ATXN1: variants seen among roughly 807,000 people sequenced by gnomAD.
ATXN1 encodes ataxin-1.
In ATXN1, 8 loss-of-function variants were observed where a neutral mutation model predicts 56.4. That is an observed-to-expected ratio of 0.14 (90% confidence interval 0.08 to 0.26). The LOEUF is 0.26. Ranked by LOEUF, ATXN1 falls within the 10% of genes least tolerant of loss-of-function variation. The pLI, the probability that ATXN1 is intolerant of heterozygous loss-of-function variation, is 1.00. For synonymous variants in ATXN1, 514 were observed against 494.6 expected (o/e 1.04, Z -0.52); for missense variants, 987 against 1,106.5 (o/e 0.89, Z 1.53).
At chr6:16,648,897 T>A in intron 3 of ATXN1, among the ~76,000 whole-genome samples, 1 of 152,082 alleles carries the variant, frequency 6.6e-6, no homozygotes, top group South Asian at 2.1e-4. Flanking sequence ...AAATTCCCCA[T>A]TACAACTTAT....
At chr6:16,338,221 T>C (rs1761167983) in intron 6 of ATXN1, among the ~76,000 whole-genome samples, 1 of 152,096 alleles carries the variant, frequency 6.6e-6, no homozygotes, top group Non-Finnish European at 1.5e-5. Flanking sequence ...TGGCCGGGCG[T>C]GGTGGCTCAT....
chr6:16,559,644 G>A (rs1299459052), intron 4 of ATXN1, among the ~76,000 whole-genome samples: 2 of 152,058 alleles, frequency 1.3e-5, no homozygotes, highest in African/African-American at 4.8e-5. Context: ...TTGCTTCTAG[G>A]TGAGAATTCA....
At chr6:16,403,765 A>G (rs1168183596) in intron 6 of ATXN1, among the ~76,000 whole-genome samples, 1 of 152,202 alleles carries the variant, frequency 6.6e-6, no homozygotes, top group Non-Finnish European at 1.5e-5. Context: ...CTCATCCTGA[A>G]AAAAAGCACA....
intron 3 of ATXN1, among the ~76,000 whole-genome samples, chr6:16,652,289 G>A (rs568957792): frequency 1.4e-4 from 21 of 152,290 alleles, no homozygotes; most frequent in African/African-American, 3.8e-4. Context: ...CTGGACTGGC[G>A]CTTTTCCTAT....
chr6:16,686,288 C>A (rs1484447188), intron 2 of ATXN1, among the ~76,000 whole-genome samples: 1 of 152,140 alleles, frequency 6.6e-6, no homozygotes. Flanking sequence ...CCTTCCAGGT[C>A]TTTCCTAAAA....
At position 16,745,837 on chromosome 6, in the gene ATXN1, T is replaced by A. The variant is rs145207036; in HGVS notation, c.-615+7396A>T. Among the ~76,000 whole-genome samples, 7 of 152,272 alleles carry A rather than the reference T, an allele frequency of 4.6e-5. No homozygotes were observed. In the East Asian group the frequency reaches 1.2e-3, roughly 25 times the overall value. On this transcript the variant is annotated intron_variant, in intron 2 of 7. Coordinates refer to ENST00000436367, the MANE Select transcript of ATXN1 (RefSeq NM_001128164.2). Reference sequence around the variant, plus strand: ...TCAAACTCTGCCTACTAAAACTGGCTGCTCTGAGAAGCTCCTCCTACCCTG... The same window carrying A: ...TCAAACTCTGCCTACTAAAACTGGCAGCTCTGAGAAGCTCCTCCTACCCTG...
chr6:16,368,181 GAAAGA>G (rs1245034269), intron 6 of ATXN1, among the ~76,000 whole-genome samples: 1 of 150,194 alleles, frequency 6.7e-6, no homozygotes, highest in Non-Finnish European at 1.5e-5. Context: ...AAAAAAAAAA[GAAAGA>G]AAAGAAAAGA....
Position 16,302,441 on chromosome 6 carries a change from A to G in ATXN1, c.*3888T>C, listed in dbSNP as rs906739985. The G allele has an allele frequency of 6.5e-6, 1 of 152,680 alleles. No homozygotes were observed. The highest frequency in any genetic ancestry group is 2.1e-4 in the South Asian group (1 of 4,830). The allele number at this position is 152,680 out of a possible 1,614,324, so 9.5% of individuals were successfully genotyped here. A position where few individuals can be genotyped will look rare whatever the true frequency, so the allele number is the denominator to read the frequency against. On this transcript the variant is annotated 3_prime_UTR_variant, in exon 8 of 8. Transcript: ENST00000436367. The stretch of plus-strand genomic sequence containing the variant: ...TAGGGAAAACGAAAAGTTGACCAAC[A>G]TAGAAAATTATCCTGAAAGTCCAAA...
chr6:16,575,361 C>T (rs1435015050), intron 4 of ATXN1, among the ~76,000 whole-genome samples: 1 of 152,174 alleles, frequency 6.6e-6, no homozygotes, highest in Admixed American at 6.5e-5. Context: ...CTTCCTTCCT[C>T]GTTTGTTTAT....
chr6:16,435,993 G>T (rs1237755254), intron 6 of ATXN1, among the ~76,000 whole-genome samples: 1 of 152,074 alleles, frequency 6.6e-6, no homozygotes, highest in Non-Finnish European at 1.5e-5. Flanking sequence ...CACCTCCCGG[G>T]TTCCAGCTAT....
intron 3 of ATXN1, among the ~76,000 whole-genome samples, chr6:16,604,359 C>T (rs1292424038): frequency 6.6e-6 from 1 of 150,512 alleles, no homozygotes; most frequent in East Asian, 1.9e-4. Context: ...TATCGTGGCA[C>T]GTGGTGCACA....
chr6:16,347,532 C>T (rs1761444070), intron 6 of ATXN1, among the ~76,000 whole-genome samples: 1 of 152,006 alleles, frequency 6.6e-6, no homozygotes, highest in African/African-American at 2.4e-5. Context: ...CACTCTGTAT[C>T]TAGCTCAAGG....
chr6:16,590,277 A>G (rs1762699996), intron 3 of ATXN1, among the ~76,000 whole-genome samples: 1 of 152,246 alleles, frequency 6.6e-6, no homozygotes, highest in African/African-American at 2.4e-5. Context: ...AATTTAATGA[A>G]ATAGACTGCA....
rs71559655 is a variant in ATXN1 at position 16,731,454 on chromosome 6, CTTTTTTTT to C, written c.-615+21771_-615+21778del. 2.3e-4 allele frequency among the ~76,000 whole-genome samples: 19 copies of C among 81,794 alleles called. 1 individual carries two copies. In the Middle Eastern group the frequency reaches 0.029, roughly 124 times the overall value. 53.7% of individuals were successfully genotyped at this position (81,794 alleles called of 152,430 possible). A position where few individuals can be genotyped will look rare whatever the true frequency, so the allele number is the denominator to read the frequency against. ...ACGAGAGAGGCTTTTTTTTTCTTTT[CTTTTTTTT>C]TTTTTTTTTTTTTTTTTTTTTAATA... On this transcript the variant is annotated intron_variant, in intron 2 of 7. Transcript: ENST00000436367.
At chr6:16,376,287 C>T (rs1224148768) in intron 6 of ATXN1, among the ~76,000 whole-genome samples, 1 of 152,152 alleles carries the variant, frequency 6.6e-6, no homozygotes, top group African/African-American at 2.4e-5. Context: ...CTGGACTGAA[C>T]AAAACCCCAA....
Position 16,617,452 on chromosome 6 carries a change from A to G in ATXN1, c.-488-31545T>C, listed in dbSNP as rs76595137. Among the ~76,000 whole-genome samples the G allele has an allele frequency of 2.4e-3, 364 of 152,314 alleles. 16 individuals are homozygous for G. In the East Asian group the frequency reaches 0.065, roughly 27 times the overall value. On this transcript the variant is annotated intron_variant, in intron 3 of 7. Transcript: ENST00000436367. ...AAAAAATATATGAAAGAATCTAATT[A>G]TATTAAAATCTTCTAAACTCATAGA... is the stretch of plus-strand genomic sequence containing the variant.
intron 3 of ATXN1, among the ~76,000 whole-genome samples, chr6:16,604,942 T>C (rs1762977344): frequency 6.6e-6 from 1 of 152,204 alleles, no homozygotes; most frequent in African/African-American, 2.4e-5. Flanking sequence ...GATGTGGGAA[T>C]CAGATGTTTT....
chr6:16,701,876 G>C (rs1759292012), intron 2 of ATXN1, among the ~76,000 whole-genome samples: 1 of 152,196 alleles, frequency 6.6e-6, no homozygotes, highest in Non-Finnish European at 1.5e-5. Flanking sequence ...TCATGGAAAG[G>C]AAGAAGCAAT....
intron 4 of ATXN1, among the ~76,000 whole-genome samples, chr6:16,535,507 A>T (rs1208453194): frequency 6.6e-6 from 1 of 152,208 alleles, no homozygotes; most frequent in Non-Finnish European, 1.5e-5. Context: ...CAACAAAATA[A>T]ACAACATAGT....
Sources: allele counts gnomAD v4.1 joint callset (sites outside exome capture counted in the v4.1 genomes callset), GRCh38; gene constraint gnomAD v4.1.1; transcripts MANE v1.5; gene names NCBI Gene and HGNC (gene_info 2026-07-23, HGNC 2026-07-21).